CUL4B: variants seen among roughly 807,000 people sequenced by gnomAD.
The protein encoded by CUL4B is cullin 4B.
Under a neutral mutation model 69.2 loss-of-function variants are expected in CUL4B, and 1 was observed. That is an observed-to-expected ratio of 0.01 (90% confidence interval 0.01 to 0.07). The LOEUF is 0.07. Among genes scored for constraint, CUL4B ranks in the 10% least tolerant of loss-of-function variants. The pLI is 1.00. For missense variants in CUL4B, 328 were observed against 638.8 expected (o/e 0.51, Z 5.24); for synonymous variants, 237 against 223.2 (o/e 1.06, Z -0.55).
At chrX:120,531,089 C>T (rs971007259) in intron 18 of CUL4B, among the ~76,000 whole-genome samples, 1 of 110,680 alleles carries the variant, frequency 9.0e-6, no homozygotes, top group African/African-American at 3.3e-5. Flanking sequence ...TTTGGGAGGC[C>T]GAGATGGGCG....
chrX:120,543,873 C>A lies in CUL4B; in HGVS notation c.1174-64G>T, dbSNP rs757689109. 7.0e-6 allele frequency: 6 copies of A among 854,271 alleles called. No individual in the cohort carries two copies. In the African/African-American group the frequency reaches 1.2e-4, roughly 17 times the overall value. The allele number at this position is 854,271 out of a possible 1,213,427, so 70.4% of individuals were successfully genotyped here. A position where few individuals can be genotyped will look rare whatever the true frequency, so the allele number is the denominator to read the frequency against. On this transcript the variant is annotated intron_variant, in intron 7 of 19. Coordinates refer to ENST00000371322, the MANE Select transcript of CUL4B (RefSeq NM_001079872.2). The stretch of plus-strand genomic sequence containing the variant: ...ATAAATCATTCAGAAAATGTCAAGT[C>A]CAAAAGATCCTGGAAGTGGCCCTGT...
At chrX:120,556,670 A>C (rs1364720911) in intron 2 of CUL4B, among the ~76,000 whole-genome samples, 1 of 108,889 alleles carries the variant, frequency 9.2e-6, no homozygotes, top group Non-Finnish European at 1.9e-5. Flanking sequence ...CAAGACCCCT[A>C]TCTCTTAAAA....
intron 5 of CUL4B, 23 bp from the exon 6 acceptor site, chrX:120,544,666 C>A (rs1357398459): frequency 8.5e-7 from 1 of 1,174,164 alleles, no homozygotes; most frequent in Admixed American, 2.2e-5. Flanking sequence ...ACACATATAA[C>A]CTAAATTAAT....
chrX:120,545,383 G>T, intron 5 of CUL4B, 61 bp downstream of exon 5: 1 of 775,824 alleles, frequency 1.3e-6, no homozygotes, highest in Non-Finnish European at 1.9e-6. Context: ...ACTTTCATTA[G>T]TGTAATTAAG....
intron 3 of CUL4B, 125 bp downstream of exon 3, chrX:120,547,011 C>T: frequency 2.0e-6 from 1 of 503,942 alleles, no homozygotes; most frequent in South Asian, 2.8e-5. Context: ...TCGAGAAACA[C>T]AAGGCACAAA....
chrX:120,556,908 TATA>T lies in CUL4B; in HGVS notation c.672+1013_672+1015del, dbSNP rs1197671101. 4.3e-3 allele frequency among the ~76,000 whole-genome samples: 326 copies of T among 75,068 alleles called. 1 individual carries two copies. The highest frequency in any genetic ancestry group is 0.018 in the African/African-American group (318 of 17,607). The allele number at this position is 75,068 out of a possible 115,157, so 65.2% of individuals were successfully genotyped here. A position where few individuals can be genotyped will look rare whatever the true frequency, so the allele number is the denominator to read the frequency against. On this transcript the variant is annotated intron_variant, in intron 2 of 19. Coordinates refer to ENST00000371322, the MANE Select transcript of CUL4B (RefSeq NM_001079872.2). Reference sequence around the variant, plus strand: ...TCAAGCTATTGTACTCTGAAGTATATATATATTTTTTTTTTTTTTTGAGATGGA... The same window carrying T: ...TCAAGCTATTGTACTCTGAAGTATATTATTTTTTTTTTTTTTTGAGATGGA...
At chrX:120,559,487 G>A (rs746867066) in intron 1 of CUL4B, among the ~76,000 whole-genome samples, 1 of 112,321 alleles carries the variant, frequency 8.9e-6, no homozygotes. Flanking sequence ...GTGGTACACA[G>A]AGTTACTACT....
upstream of CUL4B, among the ~76,000 whole-genome samples, chrX:120,563,806 A>C (rs950857414): frequency 8.9e-6 from 1 of 112,390 alleles, no homozygotes; most frequent in Non-Finnish European, 1.9e-5. Context: ...CATTTTAAAA[A>C]ATTACAAATA....
Position 120,525,928 on chromosome X carries a change from CTT to C in CUL4B, c.*831_*832del, listed in dbSNP as rs1000489179. On this transcript the variant is annotated 3_prime_UTR_variant, in exon 20 of 20. Transcript: ENST00000371322. ...TTACAAAACACGTTCATTTTGGTCT[CTT>C]TTGCAATTTTCTTATTGTATTCATT... 2 of 111,777 alleles carry C rather than the reference CTT, an allele frequency of 1.8e-5. No individual in the cohort carries two copies. The highest frequency in any genetic ancestry group is 6.5e-5 in the African/African-American group (2 of 30,807). The allele number at this position is 111,777 out of a possible 1,213,427, so 9.2% of individuals were successfully genotyped here.
Position 120,573,197 on chromosome X carries a change from A to C in CUL4B, c.68-1197T>G, listed in dbSNP as rs138458541. 6.3e-3 allele frequency among the ~76,000 whole-genome samples: 703 copies of C among 111,873 alleles called. 6 individuals are homozygous for C. The highest frequency in any genetic ancestry group is 0.022 in the African/African-American group (666 of 30,881). On this transcript the variant is annotated intron_variant, in intron 2 of 2. Transcript: ENST00000486604. ...CAAATAGGAAGCTTTAGTATTTTTT[A>C]AAATGGCATAATTACTGTACATATA...
intron 5 of CUL4B, among the ~76,000 whole-genome samples, chrX:120,544,927 A>C (rs946424860): frequency 1.8e-5 from 2 of 112,390 alleles, no homozygotes; most frequent in Non-Finnish European, 3.8e-5. Context: ...TTCTTTGCTC[A>C]AATCAACAGA....
At chrX:120,532,995 G>A (rs1923418177) in intron 17 of CUL4B, among the ~76,000 whole-genome samples, 1 of 112,071 alleles carries the variant, frequency 8.9e-6, no homozygotes, top group East Asian at 2.8e-4. Flanking sequence ...ACGTTTAAAG[G>A]GCAATTCCGC....
intron 12 of CUL4B, 74 bp from the exon 13 acceptor site, chrX:120,538,844 A>T: frequency 9.7e-6 from 6 of 620,596 alleles, no homozygotes; most frequent in Non-Finnish European, 1.6e-5. Context: ...AAGTGCTTTA[A>T]TAAAGCACAC....
At chrX:120,565,670 CAAAAAAAAA>C (rs1198327776), upstream of CUL4B, among the ~76,000 whole-genome samples, 1 of 22,371 alleles carries the variant, frequency 4.5e-5, no homozygotes, top group Non-Finnish European at 7.0e-5. Flanking sequence ...TGACAGAGTG[CAAAAAAAAA>C]AAAAAAAAAA....
chrX:120,566,378 T>TATGTATATATATGTATATATAC (rs1556253345), upstream of CUL4B, among the ~76,000 whole-genome samples: 69 of 81,753 alleles, frequency 8.4e-4, no homozygotes, highest in Non-Finnish European at 1.4e-3. Context: ...TATATATATA[T>TATGTATATATATGTATATATAC]ATATATATAT....
rs755600927 is a variant in CUL4B at position 120,532,591 on chromosome X, T to C, written c.2270A>G (p.Asp757Gly). 1.7e-6 allele frequency: 2 copies of C among 1,203,459 alleles called. No individual in the cohort carries two copies. The highest frequency in any genetic ancestry group is 2.2e-6 in the Non-Finnish European group (2 of 891,672). Residue 757 changes from aspartate (D) to glycine (G), a missense_variant, in exon 18 of 20, where the codon GAT becomes GGT. This residue lies in a region of CUL4B where 98 missense variants were observed against 296.8 expected (regional missense o/e 0.33). Transcript: ENST00000371322. Reference protein sequence around the residue: ...EEIKQATGIEDGELRRTLQSL... With the variant: ...EEIKQATGIEGGELRRTLQSL... ...CTGCAGTGTTCTCCTTAACTCTCCATCCTCTGAAGAAGAAACAGAGGTTTA... is the reference window on the plus strand; with the variant it reads ...CTGCAGTGTTCTCCTTAACTCTCCACCCTCTGAAGAAGAAACAGAGGTTTA...
At chrX:120,559,066 A>G (rs186998020) in intron 1 of CUL4B, among the ~76,000 whole-genome samples, 147 of 111,066 alleles carry the variant, frequency 1.3e-3, no homozygotes, top group Non-Finnish European at 2.3e-3. Flanking sequence ...TTGAGACAAA[A>G]TAGAGCATAC....
intron 2 of CUL4B, among the ~76,000 whole-genome samples, chrX:120,551,599 G>A (rs1017022855): frequency 9.0e-6 from 1 of 111,711 alleles, no homozygotes; most frequent in African/African-American, 3.3e-5. Context: ...CTTCCAAAAT[G>A]TTTTGACCCA....
chrX:120,524,558 G>C lies in CUL4B; in HGVS notation c.*2203C>G, dbSNP rs1922867675. On this transcript the variant is annotated 3_prime_UTR_variant, in exon 20 of 20. Coordinates refer to ENST00000371322, the MANE Select transcript of CUL4B (RefSeq NM_001079872.2). ...AGTTGTTAGGAAGATTTTAAGTCCT[G>C]TGATTTTATAACTTTCTTACAATAC... 8.9e-6 allele frequency: 1 copy of C among 111,894 alleles called. No individual in the cohort carries two copies. Among genetic ancestry groups the C allele is most frequent in the Admixed American group, 9.6e-5 (1 of 10,448 alleles). The allele number at this position is 111,894 out of a possible 1,213,427, so 9.2% of individuals were successfully genotyped here. A position where few individuals can be genotyped will look rare whatever the true frequency, so the allele number is the denominator to read the frequency against.
Sources: allele counts gnomAD v4.1 joint callset (sites outside exome capture counted in the v4.1 genomes callset), GRCh38; gene constraint gnomAD v4.1.1; regional missense constraint gnomAD v4.1.1; transcripts MANE v1.5; gene names NCBI Gene and HGNC (gene_info 2026-07-23, HGNC 2026-07-21).